FRK: variants seen among roughly 807,000 people sequenced by gnomAD.
FRK encodes the protein fyn related Src family tyrosine kinase.
In FRK, 51 loss-of-function variants were observed where a neutral mutation model predicts 56.4. That is an observed-to-expected ratio of 0.90 (90% confidence interval 0.72 to 1.14). The LOEUF is 1.14. Among genes scored for constraint, FRK ranks in the 50% most tolerant of loss-of-function variants. The probability of loss-of-function intolerance (pLI) is 0.00; values close to 1 mark genes in which losing one functional copy is unlikely to be tolerated. For synonymous variants in FRK, 245 were observed against 217.9 expected, an observed-to-expected ratio of 1.12 and a Z score of -1.10; for missense variants, 570 against 601.4, an observed-to-expected ratio of 0.95 and a Z score of 0.55.
chr6:116,098,588 G>A, the FRK span, among the ~76,000 whole-genome samples: 9 of 152,132 alleles, frequency 5.9e-5, no homozygotes, highest in African/African-American at 4.8e-5. Flanking sequence ...CACATTGTGG[G>A]TTAGGTCTTC....
chr6:115,956,423 T>G, intron 5 of FRK, 29 bp downstream of exon 5: 1 of 1,464,864 alleles, frequency 6.8e-7, no homozygotes, highest in African/African-American at 1.4e-5. Flanking sequence ...AATTCCTCTT[T>G]TTTTCCTTGT....
chr6:115,938,152 TAGAACTC>T lies in FRK; in HGVS notation c.*4255_*4261del, dbSNP rs1455993065. ...CTCTAAGACCACAGTGCAATCAAAT[TAGAACTC>T]AGGATTAAAACTGACAGAAAACCTA... On this transcript the variant is annotated 3_prime_UTR_variant, in exon 8 of 8. Coordinates refer to ENST00000606080, the MANE Select transcript of FRK (RefSeq NM_002031.3). The T allele has an allele frequency of 6.6e-6, 1 of 152,136 alleles. No individual in the cohort carries two copies. The highest frequency in any genetic ancestry group is 1.5e-5 in the Non-Finnish European group (1 of 68,016). The allele number at this position is 152,136 out of a possible 1,614,324, so 9.4% of individuals were successfully genotyped here.
chr6:115,946,577 G>T (rs1390842221), intron 5 of FRK, among the ~76,000 whole-genome samples: 1 of 152,074 alleles, frequency 6.6e-6, no homozygotes, highest in African/African-American at 2.4e-5. Context: ...ACAAGCTATG[G>T]GTCTGGAACT....
chr6:116,090,316 A>C, the FRK span, among the ~76,000 whole-genome samples: 27,046 of 152,018 alleles, frequency 0.18, 2,856 homozygotes, highest in African/African-American at 0.29. Context: ...GCAGGGTGTA[A>C]TGTGATGATA....
At chr6:116,098,100 C>CTT in the FRK span, among the ~76,000 whole-genome samples, 626 of 84,248 alleles carry the variant, frequency 7.4e-3, 98 homozygotes, top group East Asian at 0.016. Flanking sequence ...TTACAGACAG[C>CTT]TTTTTTTTTT....
At chr6:116,038,936 G>A in intron 1 of FRK, 2 of 650,264 alleles carry the variant, frequency 3.1e-6, no homozygotes, top group South Asian at 1.4e-5. Flanking sequence ...AGATTGCTGT[G>A]GCTGCGCAGA....
intron 5 of FRK, among the ~76,000 whole-genome samples, chr6:115,952,951 T>G: frequency 6.8e-6 from 1 of 146,542 alleles, no homozygotes; most frequent in African/African-American, 2.5e-5. Context: ...AGGGATAGCA[T>G]TGGGAGATAT....
intron 4 of FRK, among the ~76,000 whole-genome samples, chr6:115,957,181 G>A (rs922053808): frequency 3.9e-5 from 6 of 152,094 alleles, no homozygotes; most frequent in South Asian, 2.1e-4. Flanking sequence ...TGTTCAACTC[G>A]AAACTGATAT....
intron 2 of FRK, among the ~76,000 whole-genome samples, chr6:115,969,309 A>G (rs1773711753): frequency 6.6e-6 from 1 of 152,164 alleles, no homozygotes; most frequent in Non-Finnish European, 1.5e-5. Flanking sequence ...ACACAGTTCA[A>G]TAAAAGCAAT....
chr6:115,942,540 G>A lies in FRK; in HGVS notation c.1392C>T (p.Asn464=), dbSNP rs776243313. 2.5e-6 allele frequency: 4 copies of A among 1,613,680 alleles called. No homozygotes were observed. In the Admixed American group the frequency reaches 5.0e-5, roughly 20 times the overall value. The part of the protein sequence containing the change: ...QPSNCPQQFY[N]IMLECWNAEP... ...CTGCATTCCAGCACTCCAACATGATGTTGTAAAATTGCTGTGGACAGTTGG... is the reference window on the plus strand; with the variant it reads ...CTGCATTCCAGCACTCCAACATGATATTGTAAAATTGCTGTGGACAGTTGG... The change falls in exon 8 of 8, where the codon AAC becomes AAT. Residue 464 remains asparagine, a synonymous_variant. Transcript: ENST00000606080.
In FRK at chr6:115,941,675, C is replaced by T. The variant is rs1199048987; in HGVS notation, c.*739G>A. 2 of 151,938 alleles carry T rather than the reference C, an allele frequency of 1.3e-5. No homozygotes were observed. Among genetic ancestry groups the T allele is most frequent in the Non-Finnish European group, 2.9e-5 (2 of 67,974 alleles). 9.4% of individuals were successfully genotyped at this position (151,938 alleles called of 1,614,324 possible). ...GGCTATTAGACATTTCTCACATTTC[C>T]ATAGATAATAACTCATCCGTTTTGC... On this transcript the variant is annotated 3_prime_UTR_variant, in exon 8 of 8. Coordinates refer to ENST00000606080, the MANE Select transcript of FRK (RefSeq NM_002031.3).
At chr6:116,098,806 T>G in the FRK span, among the ~76,000 whole-genome samples, 1 of 152,148 alleles carries the variant, frequency 6.6e-6, no homozygotes, top group Admixed American at 6.5e-5. Context: ...AACTGAGTGT[T>G]TGTATTTAAA....
At chr6:115,948,949 A>G (rs920057877) in intron 5 of FRK, among the ~76,000 whole-genome samples, 1 of 152,156 alleles carries the variant, frequency 6.6e-6, no homozygotes, top group African/African-American at 2.4e-5. Context: ...TCAACTGTGA[A>G]GTAGGACTAA....
rs1280942062 is a variant in FRK, at chr6:116,013,307, G to A, written c.345-9309C>T. 2.0e-5 allele frequency among the ~76,000 whole-genome samples: 3 copies of A among 152,168 alleles called. No individual in the cohort carries two copies. In the East Asian group the frequency reaches 5.8e-4, roughly 29 times the overall value. On this transcript the variant is annotated intron_variant, in intron 1 of 7. Coordinates refer to ENST00000606080, the MANE Select transcript of FRK (RefSeq NM_002031.3). ...AAGTTCATATAAATATTCAATCTCA[G>A]GGCACTTTTTTTGTTTCAAAACTAT...
intron 1 of FRK, among the ~76,000 whole-genome samples, chr6:116,054,706 G>C (rs1777325134): frequency 6.6e-6 from 1 of 151,092 alleles, no homozygotes; most frequent in African/African-American, 2.4e-5. Context: ...TTTTCATTTT[G>C]ACACATGGGC....
chr6:116,077,470 C>T, the FRK span, among the ~76,000 whole-genome samples: 1 of 152,182 alleles, frequency 6.6e-6, no homozygotes, highest in Non-Finnish European at 1.5e-5. Context: ...TAGCTCCCCA[C>T]CCAACTCATT....
chr6:116,031,931 A>G (rs550660573), intron 1 of FRK, among the ~76,000 whole-genome samples: 124 of 152,256 alleles, frequency 8.1e-4, no homozygotes, highest in African/African-American at 2.9e-3. Context: ...ATTTTCCCAG[A>G]CTTACAATTA....
At chr6:115,990,178 C>T (rs528868239) in intron 2 of FRK, among the ~76,000 whole-genome samples, 7 of 151,872 alleles carry the variant, frequency 4.6e-5, no homozygotes, top group Non-Finnish European at 8.8e-5. Context: ...GGACATTACT[C>T]CTTTGCTGAA....
At position 116,030,762 on chromosome 6, in the gene FRK, G is replaced by A. The variant is rs117652546; in HGVS notation, c.345-26764C>T. ...TATCCTTTGGAATACATTGGTAAACGTGTTTCCCTGAGTTCTGTGAGCCAT... is the reference window on the plus strand; with the variant it reads ...TATCCTTTGGAATACATTGGTAAACATGTTTCCCTGAGTTCTGTGAGCCAT... On this transcript the variant is annotated intron_variant, in intron 1 of 7. Transcript: ENST00000606080. Among the ~76,000 whole-genome samples, 1,076 of 152,158 alleles carry A rather than the reference G, an allele frequency of 7.1e-3. 90 individuals carry two copies. The East Asian group carries it at 0.18, about 26-fold the overall frequency.
Sources: gnomAD v4.1 joint callset for allele counts (sites outside exome capture counted in the v4.1 genomes callset) on GRCh38, gnomAD v4.1.1 for gene constraint, MANE v1.5 for transcripts, NCBI Gene and HGNC (gene_info 2026-07-23, HGNC 2026-07-21) for gene names.